Variants in TCF25 observed in about 807,000 individuals in gnomAD.
The protein encoded by TCF25 is TCF25 ribosome quality control complex subunit, also known as ribosome quality control complex subunit TCF25.
In TCF25, 41 loss-of-function variants were observed where a neutral mutation model predicts 83.1. That is an observed-to-expected ratio of 0.49 (90% CI 0.38 to 0.64). The LOEUF (loss-of-function observed/expected upper bound fraction) is 0.64. Ranked by LOEUF, TCF25 falls within the 30% of genes least tolerant of loss-of-function variation. The probability of loss-of-function intolerance (pLI) is 0.00; values close to 1 mark genes in which losing one functional copy is unlikely to be tolerated. For missense variants in TCF25, 979 were observed against 914.5 expected, an observed-to-expected ratio of 1.07 and a Z score of -0.91; for synonymous variants, 458 against 365.0, an observed-to-expected ratio of 1.25 and a Z score of -2.90.
chr16:89,887,620 A>G (rs1176394750), intron 4 of TCF25, 32 bp from the exon 5 acceptor site: 5 of 1,562,960 alleles, frequency 3.2e-6, no homozygotes, highest in Non-Finnish European at 4.3e-6. Context: ...ACATAATTTC[A>G]TGTTTTTTTT....
At chr16:89,878,597 C>T in intron 1 of TCF25, 1 of 1,148,242 alleles carries the variant, frequency 8.7e-7, no homozygotes, top group Non-Finnish European at 1.1e-6. Flanking sequence ...CCATTTGAGA[C>T]CCTAAAACTA....
chr16:89,887,001 C>T (rs942001231), intron 4 of TCF25, among the ~76,000 whole-genome samples: 1 of 152,134 alleles, frequency 6.6e-6, no homozygotes, highest in Non-Finnish European at 1.5e-5. Flanking sequence ...CAGAGAACTT[C>T]TAGTTTTACT....
intron 6 of TCF25, 64 bp downstream of exon 6, chr16:89,892,339 G>T: frequency 1.3e-6 from 2 of 1,543,380 alleles, no homozygotes; most frequent in South Asian, 1.2e-5. Flanking sequence ...CACTGGCCCC[G>T]GTACAGCAAA....
At chr16:89,898,937 G>A in intron 11 of TCF25, 65 bp downstream of exon 11, 4 of 1,515,794 alleles carry the variant, frequency 2.6e-6, no homozygotes, top group Non-Finnish European at 3.6e-6. Flanking sequence ...TGTTTTCTTG[G>A]TTCAGTATCT....
chr16:89,909,143 G>A (rs555477033), intron 16 of TCF25: 16 of 1,282,484 alleles, frequency 1.2e-5, no homozygotes, highest in Admixed American at 2.3e-5. Context: ...ATTAATTTTA[G>A]AATGTAGAAA....
chr16:89,893,909 C>G (rs902394794), intron 7 of TCF25, 51 bp downstream of exon 7: 1 of 1,554,506 alleles, frequency 6.4e-7, no homozygotes, highest in Non-Finnish European at 8.7e-7. Flanking sequence ...GTAGCCACCA[C>G]TGCCCTGGGC....
intron 11 of TCF25, 109 bp from the exon 12 acceptor site, chr16:89,900,526 A>G: frequency 2.3e-6 from 3 of 1,318,000 alleles, no homozygotes; most frequent in Non-Finnish European, 3.1e-6. Context: ...TGCCTGCAGA[A>G]TATACCTGCT....
Position 89,882,600 on chromosome 16 carries a change from A to G in TCF25, c.193-751A>G, listed in dbSNP as rs192143271. On this transcript the variant is annotated intron_variant, in intron 1 of 17. Transcript: ENST00000263346. ...TTATCGTATGTCATTTTGTTTTTCT[A>G]TTTTGAGATGGAGTCTTGCTCTGTT... Among the ~76,000 whole-genome samples, 602 of 152,128 alleles carry G rather than the reference A, an allele frequency of 4.0e-3. 7 individuals are homozygous for G. Among genetic ancestry groups the G allele is most frequent in the African/African-American group, 0.014 (566 of 41,506 alleles).
chr16:89,904,338 G>A (rs543246018), intron 13 of TCF25, 133 bp downstream of exon 13: 2 of 1,011,988 alleles, frequency 2.0e-6, no homozygotes, highest in Non-Finnish European at 1.5e-6. Context: ...CGGCCTCGGG[G>A]ACTGTCATTT....
intron 1 of TCF25, among the ~76,000 whole-genome samples, chr16:89,881,244 G>A (rs1352402727): frequency 6.6e-6 from 1 of 152,174 alleles, no homozygotes; most frequent in East Asian, 1.9e-4. Context: ...CTTCCCAGGT[G>A]CAGCCGAGTC....
At chr16:89,903,986 C>A (rs1007809255) in intron 12 of TCF25, 132 bp from the exon 13 acceptor site, 3 of 870,134 alleles carry the variant, frequency 3.4e-6, no homozygotes, top group African/African-American at 1.7e-5. Flanking sequence ...AAGCCGCTGG[C>A]CCTGCAGACT....
Position 89,899,211 on chromosome 16 carries a change from G to A in TCF25, c.1221+339G>A, listed in dbSNP as rs577270437. 3.3e-5 allele frequency among the ~76,000 whole-genome samples: 5 copies of A among 152,296 alleles called. No individual in the cohort carries two copies. The East Asian group carries it at 9.7e-4, about 29-fold the overall frequency. On this transcript the variant is annotated intron_variant, in intron 11 of 17. Transcript: ENST00000263346. ...CCCGAGCTCCTCATGGGCAGTTCAG[G>A]AAGATGCAGCCGGGAGGTAGAAGGA... is the stretch of plus-strand genomic sequence containing the variant.
At chr16:89,881,470 G>A (rs1257417090) in intron 1 of TCF25, among the ~76,000 whole-genome samples, 10 of 152,028 alleles carry the variant, frequency 6.6e-5, no homozygotes, top group Admixed American at 6.6e-4. Context: ...TTTAGAGCTA[G>A]AGTCTTGCTC....
At chr16:89,898,410 G>T (rs987494362) in intron 9 of TCF25, 147 bp from the exon 10 acceptor site, 1 of 743,180 alleles carries the variant, frequency 1.3e-6, no homozygotes, top group Non-Finnish European at 2.3e-6. Flanking sequence ...GTTGACTGGG[G>T]CGCTGAGCAG....
intron 9 of TCF25, 113 bp from the exon 10 acceptor site, chr16:89,898,444 C>T (rs951755646): frequency 9.0e-6 from 9 of 996,732 alleles, no homozygotes; most frequent in African/African-American, 2.1e-5. Flanking sequence ...ATGGGTGGTA[C>T]TGGCCAGGAC....
At position 89,898,428 on chromosome 16, in the gene TCF25, G is replaced by A. The variant is rs1466640760; in HGVS notation, c.1023-129G>A. The stretch of plus-strand genomic sequence containing the variant: ...GACTGGGGCGCTGAGCAGTGTGTGG[G>A]GTGGAATGGGTGGTACTGGCCAGGA... On this transcript the variant is annotated intron_variant, in intron 9 of 17. Coordinates refer to ENST00000263346, the MANE Select transcript of TCF25 (RefSeq NM_014972.3). 4.9e-6 allele frequency: 4 copies of A among 813,054 alleles called. No individual in the cohort carries two copies. The East Asian group carries it at 9.9e-5, about 20-fold the overall frequency. 50.4% of individuals were successfully genotyped at this position (813,054 alleles called of 1,614,324 possible).
chr16:89,895,070 C>T lies in TCF25; in HGVS notation c.861C>T (p.Asp287=). The stretch of plus-strand genomic sequence containing the variant: ...TCCAGACGAGCCCTTACCACGTTGA[C>T]TCACTCCTGCAGCTCAGCGATGCCT... ...VLLQTSPYHV[D]SLLQLSDACR... The change falls in exon 8 of 18, where the codon GAC becomes GAT. Residue 287 remains aspartate (D), a synonymous_variant. Transcript: ENST00000263346. The T allele has an allele frequency of 1.9e-6, 3 of 1,613,392 alleles. No individual in the cohort carries two copies. The highest frequency in any genetic ancestry group is 2.5e-6 in the Non-Finnish European group (3 of 1,179,814).
intron 1 of TCF25, chr16:89,878,575 G>A (rs1325770677): frequency 8.5e-7 from 1 of 1,172,910 alleles, no homozygotes; most frequent in Non-Finnish European, 1.1e-6. Context: ...CAAGAACCTT[G>A]TGAAATGTTC....
chr16:89,883,257 A>C (rs1184397929), intron 1 of TCF25, 94 bp from the exon 2 acceptor site: 1 of 1,524,494 alleles, frequency 6.6e-7, no homozygotes, highest in African/African-American at 1.4e-5. Context: ...GGGGGTCCCC[A>C]ACGCAAGCCC....
Sources: allele counts gnomAD v4.1 joint callset (sites outside exome capture counted in the v4.1 genomes callset), GRCh38; gene constraint gnomAD v4.1.1; transcripts MANE v1.5; gene names NCBI Gene and HGNC (gene_info 2026-07-23, HGNC 2026-07-21).